Variants in DLGAP2 observed in about 807,000 individuals in gnomAD.
DLGAP2 encodes the protein disks large-associated protein 2.
Under a neutral mutation model 100.3 loss-of-function variants are expected in DLGAP2, and 26 were observed. That is an observed-to-expected ratio of 0.26 (90% CI 0.19 to 0.36). DLGAP2 has a LOEUF of 0.36. DLGAP2 is among the 10% of genes least tolerant of loss of function. DLGAP2 has a pLI of 1.00. For synonymous variants in DLGAP2, 886 were observed against 630.1 expected (o/e 1.41, Z -6.08); for missense variants, 1,858 against 1,453.2 (o/e 1.28, Z -4.53).
intron 1 of DLGAP2, among the ~76,000 whole-genome samples, chr8:823,422 A>C (rs965681465): frequency 3.3e-5 from 5 of 152,256 alleles, no homozygotes; most frequent in South Asian, 2.1e-4. Context: ...GTAACTAGCA[A>C]GGGGCAATTG....
At chr8:1,490,499 G>C (rs1216274356) in intron 3 of DLGAP2, among the ~76,000 whole-genome samples, 1 of 152,252 alleles carries the variant, frequency 6.6e-6, no homozygotes, top group East Asian at 1.9e-4. Context: ...CAAAGACACT[G>C]AGAGAGGGTG....
intron 3 of DLGAP2, among the ~76,000 whole-genome samples, chr8:1,420,345 T>C (rs1797055095): frequency 6.6e-6 from 1 of 152,214 alleles, no homozygotes; most frequent in South Asian, 2.1e-4. Context: ...GAAGTCGCTC[T>C]ATCACAACAG....
chr8:894,501 C>G (rs754062076), intron 1 of DLGAP2, among the ~76,000 whole-genome samples: 1 of 151,258 alleles, frequency 6.6e-6, no homozygotes, highest in African/African-American at 2.4e-5. Context: ...TGGGGGACAC[C>G]GTGACAAATA....
At chr8:1,155,762 G>C (rs1010573657) in intron 2 of DLGAP2, among the ~76,000 whole-genome samples, 1 of 152,190 alleles carries the variant, frequency 6.6e-6, no homozygotes, top group South Asian at 2.1e-4. Flanking sequence ...GGCCTTGGTC[G>C]GTGGGGCTGG....
intron 1 of DLGAP2, among the ~76,000 whole-genome samples, chr8:741,650 G>T (rs1229948938): frequency 2.0e-5 from 3 of 152,156 alleles, no homozygotes; most frequent in Admixed American, 6.5e-5. Flanking sequence ...TTCTAGACCC[G>T]TTACTGCAGA....
chr8:780,178 C>T (rs912034233), intron 1 of DLGAP2, among the ~76,000 whole-genome samples: 2 of 152,190 alleles, frequency 1.3e-5, no homozygotes, highest in Admixed American at 6.5e-5. Context: ...CTGGCCCTCA[C>T]TGTTCTACTC....
chr8:1,617,096 G>T (rs556036294), intron 6 of DLGAP2, among the ~76,000 whole-genome samples: 35 of 151,996 alleles, frequency 2.3e-4, no homozygotes, highest in Non-Finnish European at 4.4e-4. Flanking sequence ...AGTATTCCAC[G>T]GTGTACATGC....
At chr8:1,490,868 C>T (rs1293576521) in intron 3 of DLGAP2, among the ~76,000 whole-genome samples, 13 of 131,314 alleles carry the variant, frequency 9.9e-5, no homozygotes, top group African/African-American at 2.8e-4. Context: ...ACACCGGGGA[C>T]GGTTGTGGGG....
intron 3 of DLGAP2, among the ~76,000 whole-genome samples, chr8:1,423,112 A>C (rs1797144537): frequency 6.6e-6 from 1 of 152,228 alleles, no homozygotes; most frequent in Non-Finnish European, 1.5e-5. Flanking sequence ...TTTTAGGGGA[A>C]ATAATATGTT....
chr8:1,621,234 G>T (rs1209622990), intron 6 of DLGAP2: 2 of 152,426 alleles, frequency 1.3e-5, no homozygotes, highest in Non-Finnish European at 2.9e-5. Flanking sequence ...TTATAGCAAA[G>T]GACGGGTAGA....
At chr8:1,279,837 C>A (rs558826137) in intron 3 of DLGAP2, among the ~76,000 whole-genome samples, 1 of 152,182 alleles carries the variant, frequency 6.6e-6, no homozygotes, top group East Asian at 1.9e-4. Flanking sequence ...GGAGGGACAC[C>A]CATGACCTTG....
chr8:969,090 T>C (rs1799950853), intron 2 of DLGAP2, among the ~76,000 whole-genome samples: 1 of 152,156 alleles, frequency 6.6e-6, no homozygotes, highest in Non-Finnish European at 1.5e-5. Flanking sequence ...CATTTCTGGA[T>C]GAGAGTCTCA....
At chr8:902,027 G>T (rs924551036) in intron 1 of DLGAP2, among the ~76,000 whole-genome samples, 1 of 152,176 alleles carries the variant, frequency 6.6e-6, no homozygotes, top group Non-Finnish European at 1.5e-5. Flanking sequence ...AACCCAGGGG[G>T]GTTCCAAGCC....
At position 1,475,969 on chromosome 8, in the gene DLGAP2, C is replaced by T. The variant is rs528260159; in HGVS notation, c.107-25397C>T. Among the ~76,000 whole-genome samples, 38 of 152,220 alleles carry T rather than the reference C, an allele frequency of 2.5e-4. 1 individual carries two copies. The South Asian group carries it at 6.8e-3, about 27-fold the overall frequency. ...AAAAATGGTTTTTGTAGTTACTCTT[C>T]TCAAGTTTAATTTTGCTGGAGGCAG... is the stretch of plus-strand genomic sequence containing the variant. On this transcript the variant is annotated intron_variant, in intron 3 of 14. Coordinates refer to ENST00000637795, the MANE Select transcript of DLGAP2 (RefSeq NM_001346810.2).
At chr8:1,484,992 T>C (rs1799200963) in intron 3 of DLGAP2, among the ~76,000 whole-genome samples, 1 of 152,214 alleles carries the variant, frequency 6.6e-6, no homozygotes. Context: ...TTATCTTAAA[T>C]TCCGCTAATA....
At chr8:1,345,432 C>G (rs905115907) in intron 3 of DLGAP2, among the ~76,000 whole-genome samples, 1 of 152,196 alleles carries the variant, frequency 6.6e-6, no homozygotes, top group Non-Finnish European at 1.5e-5. Flanking sequence ...TCTAAATAAA[C>G]TACGTCTATG....
intron 2 of DLGAP2, among the ~76,000 whole-genome samples, chr8:1,059,243 C>T (rs1802978406): frequency 6.6e-6 from 1 of 152,102 alleles, no homozygotes; most frequent in Admixed American, 6.5e-5. Flanking sequence ...TCATCCCCTG[C>T]CCACTCACCC....
intron 4 of DLGAP2, among the ~76,000 whole-genome samples, chr8:1,524,569 A>C (rs1427377674): frequency 1.3e-5 from 2 of 151,816 alleles, no homozygotes; most frequent in Admixed American, 1.3e-4. Flanking sequence ...TGGCATGCAA[A>C]CCCCATCTTC....
At chr8:1,667,621 C>T (rs1204806950) in intron 8 of DLGAP2, among the ~76,000 whole-genome samples, 1 of 152,238 alleles carries the variant, frequency 6.6e-6, no homozygotes, top group African/African-American at 2.4e-5. Flanking sequence ...CAAGAGCAGA[C>T]AGTGCCCATC....
Sources: allele counts gnomAD v4.1 joint callset (sites outside exome capture counted in the v4.1 genomes callset), GRCh38; gene constraint gnomAD v4.1.1; transcripts MANE v1.5; gene names NCBI Gene and HGNC (gene_info 2026-07-23, HGNC 2026-07-21).